The following XPR1 variants were observed in gnomAD, a reference collection of about 807,000 sequenced individuals.
The protein encoded by XPR1 is solute carrier family 53 member 1.
In XPR1, 28 loss-of-function variants were observed where a neutral mutation model predicts 87.5. The observed-to-expected ratio is 0.32, with a 90% CI of 0.24 to 0.44. The LOEUF is 0.44. Ranked by LOEUF, XPR1 falls within the 20% of genes least tolerant of loss-of-function variation. The pLI is 1.00. For missense variants in XPR1, 559 were observed against 862.3 expected (o/e 0.65, Z 4.41); for synonymous variants, 300 against 306.1 (o/e 0.98, Z 0.21).
chr1:180,801,863 CTCTGCT>C (rs1175859981), intron 3 of XPR1, among the ~76,000 whole-genome samples: 2 of 151,448 alleles, frequency 1.3e-5, no homozygotes, highest in African/African-American at 4.9e-5. Flanking sequence ...TCACTGCAGC[CTCTGCT>C]CACTGCAACC....
intron 9 of XPR1, among the ~76,000 whole-genome samples, chr1:180,831,362 C>CTTTTTCTTTTTTTTTTTTT (rs1553252332): frequency 1.2e-4 from 14 of 115,480 alleles, no homozygotes; most frequent in East Asian, 2.5e-4. Context: ...TTTTCTTTTT[C>CTTTTTCTTTTTTTTTTTTT]TTTTTTTTTT....
chr1:180,694,194 A>T (rs748129223), intron 2 of XPR1, among the ~76,000 whole-genome samples: 1 of 152,210 alleles, frequency 6.6e-6, no homozygotes, highest in Non-Finnish European at 1.5e-5. Flanking sequence ...TCCTGGGGTC[A>T]AGCGATCCTC....
intron 2 of XPR1, among the ~76,000 whole-genome samples, chr1:180,776,312 T>C (rs1283776589): frequency 2.0e-5 from 3 of 152,158 alleles, no homozygotes; most frequent in South Asian, 2.1e-4. Flanking sequence ...TTAACATTTA[T>C]GTCTATAAGA....
intron 1 of XPR1, among the ~76,000 whole-genome samples, chr1:180,680,107 A>G (rs993142954): frequency 6.6e-6 from 1 of 152,182 alleles, no homozygotes; most frequent in Non-Finnish European, 1.5e-5. Context: ...ACAAGTGGCT[A>G]ACAAATAAAG....
chr1:180,676,264 A>C (rs573529255), intron 1 of XPR1, among the ~76,000 whole-genome samples: 1 of 152,232 alleles, frequency 6.6e-6, no homozygotes, highest in African/African-American at 2.4e-5. Flanking sequence ...CCTACTGTGT[A>C]TAAGTCACTG....
intron 2 of XPR1, among the ~76,000 whole-genome samples, chr1:180,760,676 A>C (rs1647984440): frequency 6.6e-6 from 1 of 152,224 alleles, no homozygotes; most frequent in South Asian, 2.1e-4. Flanking sequence ...TATCGTGAAA[A>C]TGGCCATACT....
chr1:180,701,888 C>T (rs1212565464), intron 2 of XPR1, among the ~76,000 whole-genome samples: 1 of 129,558 alleles, frequency 7.7e-6, no homozygotes, highest in Non-Finnish European at 1.6e-5. Context: ...AAAAAACCAG[C>T]TCCTGGATTC....
intron 9 of XPR1, among the ~76,000 whole-genome samples, chr1:180,833,705 C>T (rs1055265067): frequency 5.9e-5 from 9 of 152,082 alleles, no homozygotes; most frequent in African/African-American, 7.2e-5. Context: ...ATTCTTCAGG[C>T]GTGCATTTCA....
At chr1:180,797,354 A>C (rs1649624426) in intron 3 of XPR1, among the ~76,000 whole-genome samples, 1 of 152,152 alleles carries the variant, frequency 6.6e-6, no homozygotes, top group African/African-American at 2.4e-5. Context: ...TTTGTGACTG[A>C]GAGAGTTGTT....
chr1:180,656,420 TA>T (rs539740119), intron 1 of XPR1, among the ~76,000 whole-genome samples: 567 of 49,864 alleles, frequency 0.011, 20 homozygotes, highest in African/African-American at 0.027. Context: ...TATTTATATA[TA>T]AATATTTATA....
chr1:180,799,061 TTTTA>T (rs1457091189), intron 3 of XPR1, among the ~76,000 whole-genome samples: 1 of 152,206 alleles, frequency 6.6e-6, no homozygotes, highest in Admixed American at 6.5e-5. Context: ...AGGGGTTTAC[TTTTA>T]GCCAGTAAAC....
At chr1:180,785,966 A>G (rs12066422) in intron 2 of XPR1, among the ~76,000 whole-genome samples, 6,542 of 150,472 alleles carry the variant, frequency 0.043, 511 homozygotes, top group African/African-American at 0.15. Context: ...AAAGCAAGGG[A>G]AAAAGAAAAA....
In XPR1 at chr1:180,710,453, G is replaced by A. The variant is rs372908675; in HGVS notation, c.121+28042G>A. 1.6e-4 allele frequency among the ~76,000 whole-genome samples: 25 copies of A among 152,100 alleles called. No homozygotes were observed. The South Asian group carries it at 2.1e-3, about 13-fold the overall frequency. ...ATCTGTTTAACAAAGCACATATTGC[G>A]CCGCCCTTAATCCCTTTAACCCTGA... On this transcript the variant is annotated intron_variant, in intron 2 of 14. Coordinates refer to ENST00000367590, the MANE Select transcript of XPR1 (RefSeq NM_004736.4).
chr1:180,662,558 T>C (rs1451024105), intron 1 of XPR1, among the ~76,000 whole-genome samples: 1 of 152,194 alleles, frequency 6.6e-6, no homozygotes. Flanking sequence ...GATCGTTTCT[T>C]TATCCTTGAC....
chr1:180,786,005 G>GA (rs1267034671), intron 2 of XPR1, among the ~76,000 whole-genome samples: 3 of 150,788 alleles, frequency 2.0e-5, no homozygotes, highest in Non-Finnish European at 4.4e-5. Flanking sequence ...TTCATGCTTT[G>GA]AAAAAAATAA....
At chr1:180,815,551 A>G (rs1332116984) in intron 7 of XPR1, among the ~76,000 whole-genome samples, 1 of 152,186 alleles carries the variant, frequency 6.6e-6, no homozygotes, top group African/African-American at 2.4e-5. Flanking sequence ...AAAAATGTGC[A>G]TAATTGCTGT....
intron 1 of XPR1, among the ~76,000 whole-genome samples, chr1:180,665,782 T>C (rs1389298041): frequency 6.6e-6 from 1 of 152,218 alleles, no homozygotes; most frequent in Admixed American, 6.5e-5. Flanking sequence ...CGTCCTACCT[T>C]CTTCAGTGCC....
intron 13 of XPR1, among the ~76,000 whole-genome samples, chr1:180,874,557 G>T (rs1295201569): frequency 6.6e-6 from 1 of 151,642 alleles, no homozygotes; most frequent in Admixed American, 6.6e-5. Context: ...GGGCATGGTG[G>T]TGGGCACCTG....
At chr1:180,691,197 A>G (rs1656982747) in intron 2 of XPR1, among the ~76,000 whole-genome samples, 2 of 152,076 alleles carry the variant, frequency 1.3e-5, no homozygotes, top group South Asian at 4.1e-4. Flanking sequence ...TTGAGAGACT[A>G]TGTATTTTGT....
Sources: allele counts gnomAD v4.1 joint callset (sites outside exome capture counted in the v4.1 genomes callset), GRCh38; gene constraint gnomAD v4.1.1; transcripts MANE v1.5; gene names NCBI Gene and HGNC (gene_info 2026-07-23, HGNC 2026-07-21).